The following RGL1 variants were observed in gnomAD, a reference collection of about 807,000 sequenced individuals.
The protein encoded by RGL1 is ral guanine nucleotide dissociation stimulator-like 1.
RGL1 carries 24 observed loss-of-function variants against 95.2 expected under a neutral mutation model. That is an observed-to-expected ratio of 0.25 (90% CI 0.18 to 0.35). RGL1 has a LOEUF of 0.35. RGL1 is among the 10% of genes least tolerant of loss of function. The probability of loss-of-function intolerance (pLI) is 1.00; values close to 1 mark genes in which losing one functional copy is unlikely to be tolerated. For missense variants in RGL1, 715 were observed against 936.3 expected, an observed-to-expected ratio of 0.76 and a Z score of 3.08; for synonymous variants, 329 against 344.9, an observed-to-expected ratio of 0.95 and a Z score of 0.51.
At chr1:183,646,533 G>A (rs1212624818) in intron 1 of RGL1, 1 of 152,126 alleles carries the variant, frequency 6.6e-6, no homozygotes, top group Non-Finnish European at 1.5e-5. Flanking sequence ...TGTGAAATAA[G>A]CATAAGCAAA....
chr1:183,757,355 T>C (rs557228242), intron 2 of RGL1, among the ~76,000 whole-genome samples: 41 of 152,312 alleles, frequency 2.7e-4, no homozygotes, highest in Middle Eastern at 6.8e-3. Flanking sequence ...AAAAACTGGA[T>C]GGCAATTTAG....
chr1:183,760,073 T>G (rs1391551347), intron 2 of RGL1, among the ~76,000 whole-genome samples: 1 of 152,212 alleles, frequency 6.6e-6, no homozygotes, highest in African/African-American at 2.4e-5. Flanking sequence ...CATAAATTTT[T>G]TTTTGTTTTC....
chr1:183,681,879 C>T (rs1405878412), intron 1 of RGL1, among the ~76,000 whole-genome samples: 7 of 152,232 alleles, frequency 4.6e-5, no homozygotes, highest in East Asian at 3.9e-4. Context: ...CTCAGGGATT[C>T]GACTTCTTCC....
chr1:183,814,416 G>A (rs1661943454), intron 2 of RGL1, among the ~76,000 whole-genome samples: 1 of 152,116 alleles, frequency 6.6e-6, no homozygotes, highest in East Asian at 1.9e-4. Flanking sequence ...TGTTGCTGGT[G>A]GTTCTAGATC....
intron 7 of RGL1, among the ~76,000 whole-genome samples, chr1:183,885,700 G>T (rs983836188): frequency 7.9e-5 from 12 of 152,174 alleles, no homozygotes; most frequent in Non-Finnish European, 1.3e-4. Context: ...GTACTTAGGG[G>T]ACATACTAGG....
intron 2 of RGL1, among the ~76,000 whole-genome samples, chr1:183,835,163 A>G (rs927374959): frequency 6.6e-6 from 1 of 152,158 alleles, no homozygotes; most frequent in Admixed American, 6.5e-5. Context: ...GTTTCTGTTC[A>G]TTTGGACAAA....
intron 2 of RGL1, among the ~76,000 whole-genome samples, chr1:183,808,487 T>C (rs973828903): frequency 6.6e-6 from 1 of 152,172 alleles, no homozygotes; most frequent in African/African-American, 2.4e-5. Context: ...TTTTCTTGTC[T>C]TAGGTGTCCT....
intron 2 of RGL1, chr1:183,754,308 A>G (rs1658204080): frequency 6.6e-6 from 1 of 152,220 alleles, no homozygotes; most frequent in African/African-American, 2.4e-5. Context: ...ATTCTCTCCC[A>G]TAAGCTAACC....
rs776824203 is a variant in RGL1, at chr1:183,916,405, C to T, written c.1750-42C>T. On this transcript the variant is annotated intron_variant, in intron 15 of 17. Coordinates refer to ENST00000360851, the MANE Select transcript of RGL1 (RefSeq NM_001297671.3). ...TGAAAATTGCAAAGCTGTTGGCCAG[C>T]GTTCTAATCTGTTTTCTTCTGGGGT... is the stretch of plus-strand genomic sequence containing the variant. 40 of 1,600,568 alleles carry T rather than the reference C, an allele frequency of 2.5e-5. 1 individual carries two copies. Among genetic ancestry groups the T allele is most frequent in the East Asian group, 1.1e-4 (5 of 44,704 alleles).
chr1:183,834,186 C>G lies in RGL1; in HGVS notation c.139-13380C>G, dbSNP rs540399036. ...GTTGTATCTCTGGCTTCCAGCAGCC[C>G]CATAGTAGGAACTCAACAAATATTT... On this transcript the variant is annotated intron_variant, in intron 2 of 17. Transcript: ENST00000360851. Among the ~76,000 whole-genome samples, 58 of 151,972 alleles carry G rather than the reference C, an allele frequency of 3.8e-4. 1 individual carries two copies. The South Asian group carries it at 0.012, about 30-fold the overall frequency.
intron 1 of RGL1, among the ~76,000 whole-genome samples, chr1:183,661,290 A>G (rs1167870293): frequency 4.6e-5 from 7 of 152,250 alleles, no homozygotes; most frequent in Non-Finnish European, 1.0e-4. Context: ...GAAAGGATCA[A>G]CAAAATTGAT....
At chr1:183,897,428 AAT>A (rs1231994648) in intron 9 of RGL1, among the ~76,000 whole-genome samples, 1 of 152,136 alleles carries the variant, frequency 6.6e-6, no homozygotes, top group Non-Finnish European at 1.5e-5. Context: ...GCATTCCTCT[AAT>A]CCCAGCTACT....
chr1:183,865,836 T>TGG lies in RGL1; in HGVS notation c.348-160_348-159insGG, dbSNP rs1458078849. 3.3e-5 allele frequency among the ~76,000 whole-genome samples: 5 copies of TGG among 152,382 alleles called. No individual in the cohort carries two copies. The East Asian group carries it at 9.6e-4, about 29-fold the overall frequency. On this transcript the variant is annotated intron_variant, in intron 3 of 17. Transcript: ENST00000360851. ...TATGCAGATATATCCATTAAGTAAC[T>TGG]ATCAATAATACTGCATCATTTTCAA...
At chr1:183,696,284 C>T (rs144490402) in intron 1 of RGL1, among the ~76,000 whole-genome samples, 3 of 152,298 alleles carry the variant, frequency 2.0e-5, no homozygotes, top group African/African-American at 7.2e-5. Flanking sequence ...CTTTCTGTGC[C>T]CCCGTCATTG....
chr1:183,830,882 GT>G (rs1663214304), intron 2 of RGL1, among the ~76,000 whole-genome samples: 2 of 152,074 alleles, frequency 1.3e-5, no homozygotes, highest in Admixed American at 1.3e-4. Flanking sequence ...ATTTTTCAAG[GT>G]ATCCATGGAG....
intron 9 of RGL1, 38 bp downstream of exon 9, chr1:183,892,199 A>G (rs769936080): frequency 1.4e-6 from 2 of 1,406,386 alleles, no homozygotes; most frequent in Non-Finnish European, 2.0e-6. Flanking sequence ...AGTGCTGTTA[A>G]TAGCTCTGGA....
At chr1:183,730,610 A>G (rs938753653) in intron 1 of RGL1, among the ~76,000 whole-genome samples, 1 of 152,136 alleles carries the variant, frequency 6.6e-6, no homozygotes, top group African/African-American at 2.4e-5. Flanking sequence ...TCCATTATAC[A>G]TGGAAGGCTA....
intron 2 of RGL1, among the ~76,000 whole-genome samples, chr1:183,817,634 A>G (rs551789968): frequency 1.2e-3 from 184 of 152,340 alleles, no homozygotes; most frequent in African/African-American, 4.0e-3. Flanking sequence ...TTGTGGAGCT[A>G]AATGACCCTT....
intron 3 of RGL1, among the ~76,000 whole-genome samples, chr1:183,857,626 ATTG>A (rs1665240801): frequency 6.6e-6 from 1 of 152,192 alleles, no homozygotes; most frequent in African/African-American, 2.4e-5. Flanking sequence ...TGTGATGGGC[ATTG>A]TTATTATTTT....
Sources: gnomAD v4.1 joint callset for allele counts (sites outside exome capture counted in the v4.1 genomes callset) on GRCh38, gnomAD v4.1.1 for gene constraint, MANE v1.5 for transcripts, NCBI Gene and HGNC (gene_info 2026-07-23, HGNC 2026-07-21) for gene names.